Variants in ZNF385D observed in about 807,000 individuals in gnomAD.
ZNF385D encodes the protein zinc finger protein 385D.
Under a neutral mutation model 35.8 loss-of-function variants are expected in ZNF385D, and 15 were observed. The observed-to-expected ratio is 0.42, with a 90% CI of 0.28 to 0.64. The LOEUF is 0.64. Ranked by LOEUF, ZNF385D falls within the 30% of genes least tolerant of loss-of-function variation. The pLI is 0.23. For synonymous variants in ZNF385D, 212 were observed against 186.8 expected (o/e 1.13, Z -1.10); for missense variants, 474 against 494.6 (o/e 0.96, Z 0.39).
chr3:22,019,384 A>G (rs901628271), intron 3 of ZNF385D, among the ~76,000 whole-genome samples: 2 of 151,948 alleles, frequency 1.3e-5, no homozygotes, highest in African/African-American at 4.8e-5. Flanking sequence ...AGGACAGACC[A>G]TCAGTTATGT....
At chr3:21,746,205 C>T (rs556177172) in intron 1 of ZNF385D, among the ~76,000 whole-genome samples, 22 of 152,272 alleles carry the variant, frequency 1.4e-4, no homozygotes, top group Non-Finnish European at 2.2e-4. Context: ...ATGTCATCCA[C>T]GAAAGCGTAA....
intron 3 of ZNF385D, among the ~76,000 whole-genome samples, chr3:22,016,338 T>C (rs933434961): frequency 6.6e-6 from 1 of 152,124 alleles, no homozygotes; most frequent in Non-Finnish European, 1.5e-5. Context: ...TAGCTCACAA[T>C]GGCATTAGTG....
chr3:21,776,270 G>A (rs1254861880), intron 3 of ZNF385D, among the ~76,000 whole-genome samples: 1 of 151,770 alleles, frequency 6.6e-6, no homozygotes, highest in African/African-American at 2.4e-5. Context: ...TGTTTCCTTG[G>A]ATAAAGCCTT....
chr3:21,589,817 A>G lies in ZNF385D; in HGVS notation c.166-25133T>C, dbSNP rs540509265. On this transcript the variant is annotated intron_variant, in intron 2 of 7. Transcript: ENST00000281523. ...TCTACTTTTCATCTGAAAGATTTACATACATTTAAAAAAATGTATAACAGT... is the reference window on the plus strand; with the variant it reads ...TCTACTTTTCATCTGAAAGATTTACGTACATTTAAAAAAATGTATAACAGT... Among the ~76,000 whole-genome samples, 12 of 152,312 alleles carry G rather than the reference A, an allele frequency of 7.9e-5. No individual in the cohort carries two copies. In the South Asian group the frequency reaches 2.1e-3, roughly 26 times the overall value.
intron 1 of ZNF385D, among the ~76,000 whole-genome samples, chr3:21,713,192 C>G (rs1333705572): frequency 6.6e-6 from 1 of 152,146 alleles, no homozygotes; most frequent in Non-Finnish European, 1.5e-5. Flanking sequence ...GCTCACCAAC[C>G]TCAAAGGAAG....
chr3:21,598,417 A>G (rs959694029), intron 2 of ZNF385D, among the ~76,000 whole-genome samples: 3 of 152,220 alleles, frequency 2.0e-5, no homozygotes, highest in African/African-American at 7.2e-5. Context: ...TTGTTCATTA[A>G]AAAAATTTAG....
chr3:22,357,725 G>GTT (rs1214677711), intron 2 of ZNF385D, among the ~76,000 whole-genome samples: 1 of 151,826 alleles, frequency 6.6e-6, no homozygotes, highest in African/African-American at 2.4e-5. Flanking sequence ...CTGGAGTACT[G>GTT]TTTGTCTCTG....
At chr3:21,772,911 T>C (rs79835602) in intron 3 of ZNF385D, among the ~76,000 whole-genome samples, 12,264 of 151,924 alleles carry the variant, frequency 0.081, 677 homozygotes, top group South Asian at 0.17. Flanking sequence ...TGCTGCAACA[T>C]AGAAGAATCT....
intron 3 of ZNF385D, among the ~76,000 whole-genome samples, chr3:21,949,842 T>C (rs1701976996): frequency 6.6e-6 from 1 of 152,156 alleles, no homozygotes; most frequent in Non-Finnish European, 1.5e-5. Context: ...TTGCTGAGAA[T>C]GACCATTTCC....
At chr3:22,321,964 C>G (rs1024619769) in intron 2 of ZNF385D, among the ~76,000 whole-genome samples, 1 of 151,790 alleles carries the variant, frequency 6.6e-6, no homozygotes, top group Non-Finnish European at 1.5e-5. Flanking sequence ...CTTCTTTTTC[C>G]TACTTCCATT....
intron 3 of ZNF385D, among the ~76,000 whole-genome samples, chr3:22,026,322 C>CT (rs757198373): frequency 3.7e-4 from 56 of 152,124 alleles, no homozygotes; most frequent in Non-Finnish European, 7.2e-4. Context: ...AAGGACCCCC[C>CT]TACATTACCG....
Position 22,020,230 on chromosome 3 carries a change from T to C in ZNF385D, c.325+148587A>G, listed in dbSNP as rs973512585. Among the ~76,000 whole-genome samples the C allele has an allele frequency of 3.4e-4, 52 of 151,888 alleles. 1 individual carries two copies. Among genetic ancestry groups the C allele is most frequent in the Non-Finnish European group, 8.8e-5 (6 of 67,864 alleles). On this transcript the variant is annotated intron_variant, in intron 3 of 5. Transcript: ENST00000494108. ...GGTACAGAATAATGACTGGGAGTTATAAACATAACAAGAATAGGAGCCAGC... is the reference window on the plus strand; with the variant it reads ...GGTACAGAATAATGACTGGGAGTTACAAACATAACAAGAATAGGAGCCAGC...
chr3:21,972,294 A>C (rs648420), intron 3 of ZNF385D, among the ~76,000 whole-genome samples: 104,670 of 151,708 alleles, frequency 0.69, 37,194 homozygotes, highest in African/African-American at 0.84. Flanking sequence ...TTGGAAAGTA[A>C]ACAAATACAT....
chr3:22,351,672 G>A lies in ZNF385D; in HGVS notation c.106+20778C>T, dbSNP rs143787895. Among the ~76,000 whole-genome samples, 92 of 152,214 alleles carry A rather than the reference G, an allele frequency of 6.0e-4. 1 individual carries two copies. In the East Asian group the frequency reaches 0.015, roughly 25 times the overall value. ...TGCAAACAAGCCTACAATGATACTT[G>A]GTGGTAGTTTGAGACTAAATAAATA... On this transcript the variant is annotated intron_variant, in intron 2 of 5. Transcript: ENST00000494108.
chr3:22,231,545 T>A (rs375655670), intron 2 of ZNF385D, among the ~76,000 whole-genome samples: 1 of 152,106 alleles, frequency 6.6e-6, no homozygotes, highest in Non-Finnish European at 1.5e-5. Flanking sequence ...CTGAGTGAGC[T>A]CTCTGGTGGC....
chr3:22,041,037 C>A (rs1345866620), intron 3 of ZNF385D, among the ~76,000 whole-genome samples: 1 of 151,942 alleles, frequency 6.6e-6, no homozygotes, highest in African/African-American at 2.4e-5. Flanking sequence ...ACCTAAAGGA[C>A]AACATTAAAG....
rs114954309 is a variant in ZNF385D at position 21,925,007 on chromosome 3, A to G, written c.325+243810T>C. ...AAAACTGCAAAACAATGATAAAAAAAGAGAAAAATAAGTGGAGGTACATAC... is the reference window on the plus strand; with the variant it reads ...AAAACTGCAAAACAATGATAAAAAAGGAGAAAAATAAGTGGAGGTACATAC... On this transcript the variant is annotated intron_variant, in intron 3 of 5. Coordinates refer to the ZNF385D transcript ENST00000494108. Among the ~76,000 whole-genome samples the G allele has an allele frequency of 5.2e-3, 785 of 152,294 alleles. 11 individuals carry two copies. Among genetic ancestry groups the G allele is most frequent in the African/African-American group, 0.018 (749 of 41,562 alleles).
At chr3:22,133,175 A>G (rs546273904) in intron 3 of ZNF385D, among the ~76,000 whole-genome samples, 2 of 152,284 alleles carry the variant, frequency 1.3e-5, no homozygotes, top group East Asian at 3.9e-4. Context: ...CTGGAGATAT[A>G]AACAAAGGAT....
intron 3 of ZNF385D, among the ~76,000 whole-genome samples, chr3:21,529,510 T>C (rs1027097301): frequency 3.9e-5 from 6 of 152,184 alleles, no homozygotes; most frequent in Non-Finnish European, 7.3e-5. Flanking sequence ...AATTCACTTC[T>C]GCCTTTACTT....
Sources: allele counts gnomAD v4.1 joint callset (sites outside exome capture counted in the v4.1 genomes callset), GRCh38; gene constraint gnomAD v4.1.1; transcripts MANE v1.5; gene names NCBI Gene and HGNC (gene_info 2026-07-23, HGNC 2026-07-21).